The following FUT9 variants were observed in gnomAD, a reference collection of about 807,000 sequenced individuals.
FUT9 encodes fucosyltransferase 9.
In FUT9, 15 loss-of-function variants were observed where a neutral mutation model predicts 29.7. The ratio of observed to expected loss-of-function variants is 0.51; its 90% confidence interval spans 0.34 to 0.78. The LOEUF (loss-of-function observed/expected upper bound fraction) is 0.78. Ranked by LOEUF, FUT9 falls within the 30% of genes least tolerant of loss-of-function variation. The probability of loss-of-function intolerance (pLI) is 0.01; values close to 1 mark genes in which losing one functional copy is unlikely to be tolerated. For synonymous variants in FUT9, 169 were observed against 153.7 expected (o/e 1.10, Z -0.74); for missense variants, 319 against 425.4 (o/e 0.75, Z 2.20).
At chr6:96,090,180 T>G (rs566054059) in intron 1 of FUT9, among the ~76,000 whole-genome samples, 92 of 152,222 alleles carry the variant, frequency 6.0e-4, no homozygotes, top group South Asian at 4.8e-3. Context: ...TACAATTTTT[T>G]GGGGGATGAA....
chr6:96,178,709 T>C (rs1187472281), intron 2 of FUT9, among the ~76,000 whole-genome samples: 2 of 152,148 alleles, frequency 1.3e-5, no homozygotes, highest in Non-Finnish European at 2.9e-5. Flanking sequence ...ATTCCTCATT[T>C]GATTTTCTTT....
intron 1 of FUT9, among the ~76,000 whole-genome samples, chr6:96,052,490 G>C (rs1341040313): frequency 6.6e-6 from 1 of 152,112 alleles, no homozygotes; most frequent in Non-Finnish European, 1.5e-5. Context: ...CAAGTATTTA[G>C]CAATTTCTGT....
chr6:96,150,457 T>A (rs1022113375), intron 2 of FUT9, among the ~76,000 whole-genome samples: 3 of 152,120 alleles, frequency 2.0e-5, no homozygotes, highest in Admixed American at 2.0e-4. Flanking sequence ...CAATGGGCTG[T>A]GAGGGGCTAG....
chr6:96,100,325 A>G (rs1771568105), intron 1 of FUT9, among the ~76,000 whole-genome samples: 1 of 152,178 alleles, frequency 6.6e-6, no homozygotes, highest in Non-Finnish European at 1.5e-5. Flanking sequence ...CAACATAAAT[A>G]AAACAGTCAA....
At chr6:96,128,046 T>C (rs902357683) in intron 2 of FUT9, among the ~76,000 whole-genome samples, 6 of 152,162 alleles carry the variant, frequency 3.9e-5, no homozygotes, top group Non-Finnish European at 7.4e-5. Context: ...ATTCCACTTG[T>C]CAATTTTTGA....
At chr6:96,178,598 A>C (rs1773248136) in intron 2 of FUT9, among the ~76,000 whole-genome samples, 1 of 152,160 alleles carries the variant, frequency 6.6e-6, no homozygotes, top group Non-Finnish European at 1.5e-5. Context: ...ATAAGACTTG[A>C]AATTGTTTCC....
rs1291911659 is a variant in FUT9, at chr6:96,211,690, G to C, written c.*7455G>C. 1.2e-5 allele frequency: 2 copies of C among 169,704 alleles called. No individual in the cohort carries two copies. Among genetic ancestry groups the C allele is most frequent in the Admixed American group, 6.5e-5 (1 of 15,312 alleles). 10.5% of individuals were successfully genotyped at this position (169,704 alleles called of 1,614,324 possible). A position where few individuals can be genotyped will look rare whatever the true frequency, so the allele number is the denominator to read the frequency against. ...GACGTGAATAATCTCAGTTGTTCAA[G>C]TGTACAAATTTAAAGCTGTACTATG... is the stretch of plus-strand genomic sequence containing the variant. On this transcript the variant is annotated 3_prime_UTR_variant, in exon 3 of 3. Transcript: ENST00000302103.
At chr6:96,090,652 T>C (rs1163905421) in intron 1 of FUT9, among the ~76,000 whole-genome samples, 1 of 151,624 alleles carries the variant, frequency 6.6e-6, no homozygotes, top group Non-Finnish European at 1.5e-5. Flanking sequence ...ATAAACAATA[T>C]TAAGAATGAA....
At chr6:96,179,384 G>C (rs1408909182) in intron 2 of FUT9, among the ~76,000 whole-genome samples, 5 of 152,022 alleles carry the variant, frequency 3.3e-5, no homozygotes, top group African/African-American at 9.7e-5. Context: ...AGAAACACAG[G>C]CAAATCAATT....
chr6:96,178,312 T>A (rs1172858376), intron 2 of FUT9, among the ~76,000 whole-genome samples: 1 of 152,174 alleles, frequency 6.6e-6, no homozygotes, highest in East Asian at 1.9e-4. Context: ...TCACAACGTA[T>A]TTCCTCATTT....
intron 1 of FUT9, among the ~76,000 whole-genome samples, chr6:96,074,518 C>A (rs556799558): frequency 1.3e-5 from 2 of 152,190 alleles, no homozygotes; most frequent in South Asian, 4.1e-4. Flanking sequence ...CCCTTTTCTT[C>A]TTTGTTAAAG....
At chr6:96,126,467 A>G (rs1772135820) in intron 2 of FUT9, among the ~76,000 whole-genome samples, 1 of 152,206 alleles carries the variant, frequency 6.6e-6, no homozygotes, top group Non-Finnish European at 1.5e-5. Flanking sequence ...CCCCGCCTCC[A>G]ACAAGATGTC....
chr6:96,016,004 G>C lies in FUT9; in HGVS notation c.-306G>C, dbSNP rs1769965794. The C allele has an allele frequency of 6.6e-6, 1 of 152,026 alleles. No individual in the cohort carries two copies. The highest frequency in any genetic ancestry group is 1.5e-5 in the Non-Finnish European group (1 of 68,098). 9.4% of individuals were successfully genotyped at this position (152,026 alleles called of 1,614,324 possible). ...CTGTAGCAGCTTCAGCGAAGCCGGA[G>C]ATGGGCAGAGAGCGCGCGCGGCGCA... On this transcript the variant is annotated 5_prime_UTR_variant, in exon 1 of 3. Transcript: ENST00000302103.
At chr6:96,159,181 C>T (rs1271034566) in intron 2 of FUT9, among the ~76,000 whole-genome samples, 3 of 152,030 alleles carry the variant, frequency 2.0e-5, no homozygotes, top group Admixed American at 2.0e-4. Flanking sequence ...AAATGTATTC[C>T]TTTCATTTGC....
At chr6:96,059,592 ATT>A (rs761624405) in intron 1 of FUT9, among the ~76,000 whole-genome samples, 6 of 152,128 alleles carry the variant, frequency 3.9e-5, no homozygotes, top group Non-Finnish European at 8.8e-5. Flanking sequence ...GTTGGAGGAG[ATT>A]TTTAAAATCA....
chr6:96,026,380 G>T (rs929594345), intron 1 of FUT9, among the ~76,000 whole-genome samples: 6 of 151,584 alleles, frequency 4.0e-5, no homozygotes, highest in African/African-American at 1.2e-4. Context: ...TATTTAAGCT[G>T]CAATATTAGA....
chr6:96,096,360 A>G (rs1771495706), intron 1 of FUT9, among the ~76,000 whole-genome samples: 1 of 152,106 alleles, frequency 6.6e-6, no homozygotes, highest in African/African-American at 2.4e-5. Flanking sequence ...GTACTAGTTT[A>G]CTGCCTTTCT....
intron 2 of FUT9, among the ~76,000 whole-genome samples, chr6:96,115,707 C>T (rs1771898029): frequency 6.6e-6 from 1 of 152,136 alleles, no homozygotes; most frequent in Non-Finnish European, 1.5e-5. Flanking sequence ...CTTCAGACCA[C>T]ATCAAAGGAG....
intron 2 of FUT9, among the ~76,000 whole-genome samples, chr6:96,137,416 C>A (rs1772377422): frequency 6.6e-6 from 1 of 152,006 alleles, no homozygotes; most frequent in South Asian, 2.1e-4. Context: ...GAATTCCCAA[C>A]AAGTTATGTG....
Sources: gnomAD v4.1 joint callset for allele counts (sites outside exome capture counted in the v4.1 genomes callset) on GRCh38, gnomAD v4.1.1 for gene constraint, MANE v1.5 for transcripts, NCBI Gene and HGNC (gene_info 2026-07-23, HGNC 2026-07-21) for gene names.